The following GREB1 variants were observed in gnomAD, a reference collection of about 807,000 sequenced individuals.
GREB1 encodes growth regulating estrogen receptor binding 1.
A neutral mutation model predicts 200.7 loss-of-function variants in GREB1; 106 were observed. The ratio of observed to expected loss-of-function variants is 0.53; its 90% CI spans 0.45 to 0.62. GREB1 has a LOEUF of 0.62. GREB1 is among the 20% of genes least tolerant of loss of function. The pLI, the probability that GREB1 is intolerant of heterozygous loss-of-function variation, is 0.00. For synonymous variants in GREB1, 1,132 were observed against 1,092.4 expected, an observed-to-expected ratio of 1.04 and a Z score of -0.72; for missense variants, 2,243 against 2,556.8, an observed-to-expected ratio of 0.88 and a Z score of 2.65.
intron 2 of GREB1, among the ~76,000 whole-genome samples, chr2:11,557,810 A>C (rs1183922049): frequency 2.0e-5 from 3 of 152,252 alleles, no homozygotes; most frequent in African/African-American, 7.2e-5. Flanking sequence ...ACCATGCATT[A>C]GGAAAACCAA....
intron 3 of GREB1, chr2:11,563,072 A>T (rs1677244864): frequency 6.6e-6 from 1 of 152,172 alleles, no homozygotes; most frequent in Non-Finnish European, 1.5e-5. Context: ...TCCCAGGTTC[A>T]AGCAATTCTC....
chr2:11,607,853 T>C (rs1157382006), intron 17 of GREB1, among the ~76,000 whole-genome samples: 1 of 152,120 alleles, frequency 6.6e-6, no homozygotes, highest in Non-Finnish European at 1.5e-5. Flanking sequence ...ATAGGAAAGG[T>C]TGAACAAATA....
At chr2:11,552,872 T>TGGC (rs1558533516) in intron 1 of GREB1, among the ~76,000 whole-genome samples, 3 of 151,816 alleles carry the variant, frequency 2.0e-5, no homozygotes, top group African/African-American at 4.9e-5. Context: ...TAGCCGGGCA[T>TGGC]GGTGGCGCAC....
At chr2:11,513,564 C>G (rs754702688) in intron 1 of GREB1, among the ~76,000 whole-genome samples, 1 of 152,168 alleles carries the variant, frequency 6.6e-6, no homozygotes, top group Non-Finnish European at 1.5e-5. Context: ...GAATTTTCTC[C>G]CTTTTCTGAA....
At chr2:11,562,208 G>A (rs1283567293) in intron 2 of GREB1, among the ~76,000 whole-genome samples, 2 of 152,188 alleles carry the variant, frequency 1.3e-5, no homozygotes, top group East Asian at 1.9e-4. Flanking sequence ...CATCCAACCC[G>A]AGCAAGCCTC....
intron 29 of GREB1, among the ~76,000 whole-genome samples, chr2:11,634,783 T>TG (rs1442991459): frequency 6.6e-6 from 1 of 152,140 alleles, no homozygotes; most frequent in Non-Finnish European, 1.5e-5. Flanking sequence ...TCAAAGAGGG[T>TG]GGGCTTTGGA....
At chr2:11,518,228 A>G (rs1288029127) in intron 1 of GREB1, among the ~76,000 whole-genome samples, 1 of 152,202 alleles carries the variant, frequency 6.6e-6, no homozygotes, top group African/African-American at 2.4e-5. Flanking sequence ...CAGGAGGAGC[A>G]TGGAGATCCA....
chr2:11,572,765 G>A (rs761031331), intron 4 of GREB1, among the ~76,000 whole-genome samples: 2 of 151,654 alleles, frequency 1.3e-5, no homozygotes, highest in Admixed American at 6.6e-5. Context: ...CACTTAACCC[G>A]CATAGTGCTC....
intron 5 of GREB1, 69 bp from the exon 6 acceptor site, chr2:11,578,228 C>G: frequency 6.5e-7 from 1 of 1,536,854 alleles, no homozygotes; most frequent in South Asian, 1.2e-5. Flanking sequence ...ACGTTCCACT[C>G]CAGGAACTCA....
At position 11,618,349 on chromosome 2, in the gene GREB1, C is replaced by G; in HGVS notation, c.3474C>G (p.Ala1158=). ...QPTALPQGEH[A]RSPQPRGPAE... is the part of the protein sequence containing the mutation. ...CAGCACTCCCCCAGGGAGAGCATGC[C>G]AGGTCGCCCCAGCCCCGTGGCCCCG... Residue 1158 remains alanine (A), a synonymous_variant, in exon 22 of 33, where the codon GCC becomes GCG. Coordinates refer to ENST00000381486, the MANE Select transcript of GREB1 (RefSeq NM_014668.4). The G allele has an allele frequency of 1.2e-6, 2 of 1,607,678 alleles. No individual in the cohort carries two copies. The highest frequency in any genetic ancestry group is 1.7e-6 in the Non-Finnish European group (2 of 1,176,506).
intron 12 of GREB1, 78 bp downstream of exon 12, chr2:11,595,457 T>C (rs201547144): frequency 6.8e-7 from 1 of 1,464,896 alleles, no homozygotes; most frequent in Non-Finnish European, 9.4e-7. Flanking sequence ...CATCTCTGCC[T>C]CACCCTGCCT....
At position 11,607,752 on chromosome 2, in the gene GREB1, GT is replaced by G. The variant is rs530046839; in HGVS notation, c.2667-2933del. 9.5e-4 allele frequency among the ~76,000 whole-genome samples: 145 copies of G among 151,996 alleles called. 1 individual carries two copies. The highest frequency in any genetic ancestry group is 3.4e-3 in the African/African-American group (139 of 41,470). The stretch of plus-strand genomic sequence containing the variant: ...CACATTGATGATACATAGTTACTGT[GT>G]TTATTAATCAGGACTCTTTGTTGCA... On this transcript the variant is annotated intron_variant, in intron 17 of 32. Transcript: ENST00000381486.
At chr2:11,526,163 T>C (rs1375263819) in intron 1 of GREB1, among the ~76,000 whole-genome samples, 1 of 152,236 alleles carries the variant, frequency 6.6e-6, no homozygotes, top group African/African-American at 2.4e-5. Flanking sequence ...TGAATGGTCT[T>C]AAACATTGTC....
In GREB1 at chr2:11,603,678, A is replaced by G. The variant is rs77110622; in HGVS notation, c.2666+1136A>G. Among the ~76,000 whole-genome samples the G allele has an allele frequency of 2.4e-4, 36 of 152,374 alleles. No homozygotes were observed. The East Asian group carries it at 6.7e-3, about 29-fold the overall frequency. ...ATTAATCAGGTCAGTTCTCCAGCACATGGATCGACAGCTGAGCTCTCATCA... is the reference window on the plus strand; with the variant it reads ...ATTAATCAGGTCAGTTCTCCAGCACGTGGATCGACAGCTGAGCTCTCATCA... On this transcript the variant is annotated intron_variant, in intron 17 of 32. Transcript: ENST00000381486.
intron 1 of GREB1, among the ~76,000 whole-genome samples, chr2:11,553,253 C>T (rs963940413): frequency 6.6e-6 from 1 of 152,078 alleles, no homozygotes; most frequent in East Asian, 1.9e-4. Flanking sequence ...TGGCTCATGC[C>T]TGTGGTCTCA....
rs76224124 is a variant in GREB1, at chr2:11,617,751, G to A, written c.3413-537G>A. 2.3e-3 allele frequency among the ~76,000 whole-genome samples: 351 copies of A among 152,300 alleles called. 2 individuals are homozygous for A. Among genetic ancestry groups the A allele is most frequent in the African/African-American group, 8.0e-3 (331 of 41,556 alleles). On this transcript the variant is annotated intron_variant, in intron 21 of 32. Transcript: ENST00000381486. The stretch of plus-strand genomic sequence containing the variant: ...GGGGCCGGGGGTGTGCCTAGCTGTG[G>A]CTGAGGGAGCGGCTGAGAGTCCCTG...
rs1254986748 is a variant in GREB1, at chr2:11,625,232, C to G, written c.4226C>G (p.Pro1409Arg). The G allele has an allele frequency of 6.2e-7, 1 of 1,613,880 alleles. No individual in the cohort carries two copies. Among genetic ancestry groups the G allele is most frequent in the Non-Finnish European group, 8.5e-7 (1 of 1,179,910 alleles). Residue 1409 changes from proline to arginine, a missense_variant, in exon 24 of 33, where the codon CCC becomes CGC. Around this residue, in one of 3 missense-constraint regions of GREB1, gnomAD observed 587 missense variants for 553.1 expected, o/e 1.06. Coordinates refer to ENST00000381486, the MANE Select transcript of GREB1 (RefSeq NM_014668.4). Reference sequence around the variant, plus strand: ...GACCTGGAGCTGTTCAAGAAGTTGCCCTTTGACTACATCATTCACGACCCG... The same window carrying G: ...GACCTGGAGCTGTTCAAGAAGTTGCGCTTTGACTACATCATTCACGACCCG... ...WPDLELFKKLPFDYIIHDPKY... is the reference protein window; with the variant it reads ...WPDLELFKKLRFDYIIHDPKY...
rs140446574 is a variant in GREB1, at chr2:11,492,602, G to A, written c.-159+10221G>A. 6.8e-4 allele frequency among the ~76,000 whole-genome samples: 103 copies of A among 152,344 alleles called. No individual in the cohort carries two copies. The highest frequency in any genetic ancestry group is 1.3e-3 in the Non-Finnish European group (87 of 68,034). ...GCTGAGTTCCCACTCACTGGGGCCTGTGAGTGCATGAATGGGGGTGGGGAC... is the reference window on the plus strand; with the variant it reads ...GCTGAGTTCCCACTCACTGGGGCCTATGAGTGCATGAATGGGGGTGGGGAC... On this transcript the variant is annotated intron_variant, in intron 1 of 2. Transcript: ENST00000628795. This position sits in a 1 kb window ranked among gnomAD's most constrained non-coding sequence, Gnocchi z 4.0.
chr2:11,587,829 G>A (rs1572831715), intron 9 of GREB1: 3 of 1,046,100 alleles, frequency 2.9e-6, no homozygotes, highest in African/African-American at 1.7e-5. Flanking sequence ...CTGAGGTTTA[G>A]GGCAGTTAAG....
Sources: allele counts gnomAD v4.1 joint callset (sites outside exome capture counted in the v4.1 genomes callset), GRCh38; gene constraint gnomAD v4.1.1; regional missense constraint gnomAD v4.1.1; non-coding constraint Gnocchi (gnomAD v3.1); transcripts MANE v1.5; gene names NCBI Gene and HGNC (gene_info 2026-07-23, HGNC 2026-07-21).